Variants in ARHGAP15 observed in about 807,000 individuals in gnomAD.
The protein encoded by ARHGAP15 is Rho GTPase activating protein 15, also known as rho GTPase-activating protein 15.
ARHGAP15 carries 51 observed loss-of-function variants against 63.7 expected under a neutral mutation model. The observed-to-expected ratio is 0.80, with a 90% CI of 0.64 to 1.01. The LOEUF (loss-of-function observed/expected upper bound fraction) is 1.01. Ranked by LOEUF, ARHGAP15 falls within the 50% of genes least tolerant of loss-of-function variation. The probability of loss-of-function intolerance (pLI) is 0.00; values close to 1 mark genes in which losing one functional copy is unlikely to be tolerated. For synonymous variants in ARHGAP15, 191 were observed against 193.8 expected, an observed-to-expected ratio of 0.99 and a Z score of 0.12; for missense variants, 560 against 564.6, an observed-to-expected ratio of 0.99 and a Z score of 0.08.
chr2:143,678,266 C>T (rs1682925050), intron 12 of ARHGAP15, among the ~76,000 whole-genome samples: 1 of 152,116 alleles, frequency 6.6e-6, no homozygotes. Flanking sequence ...ATATCTTTGC[C>T]TCTATTTACA....
chr2:143,707,794 T>G (rs1277367437), intron 13 of ARHGAP15, among the ~76,000 whole-genome samples: 1 of 152,210 alleles, frequency 6.6e-6, no homozygotes, highest in African/African-American at 2.4e-5. Flanking sequence ...GGTTTTTATT[T>G]TCTTTCTGCT....
At chr2:143,735,475 G>T (rs904784970) in intron 13 of ARHGAP15, among the ~76,000 whole-genome samples, 1 of 152,186 alleles carries the variant, frequency 6.6e-6, no homozygotes, top group African/African-American at 2.4e-5. Context: ...TAGCAAGATG[G>T]CAACACCAGA....
At chr2:143,514,349 A>G (rs569749214) in intron 9 of ARHGAP15, among the ~76,000 whole-genome samples, 1 of 152,344 alleles carries the variant, frequency 6.6e-6, no homozygotes, top group East Asian at 1.9e-4. Context: ...AATGCAGAAG[A>G]GGTGCCATAA....
chr2:143,247,896 A>G (rs1330609405), intron 5 of ARHGAP15, among the ~76,000 whole-genome samples: 1 of 152,230 alleles, frequency 6.6e-6, no homozygotes, highest in Non-Finnish European at 1.5e-5. Context: ...GAATTTTAAG[A>G]CACTAAAGTC....
At chr2:143,702,214 CAATA>C (rs1684121108) in intron 12 of ARHGAP15, among the ~76,000 whole-genome samples, 1 of 152,122 alleles carries the variant, frequency 6.6e-6, no homozygotes, top group Admixed American at 6.5e-5. Context: ...TGTTTAAGTT[CAATA>C]AATAATTATA....
At chr2:143,422,676 T>C (rs1688974365) in intron 6 of ARHGAP15, among the ~76,000 whole-genome samples, 1 of 152,124 alleles carries the variant, frequency 6.6e-6, no homozygotes, top group Non-Finnish European at 1.5e-5. Context: ...GATTATTTCT[T>C]GATTACATGT....
chr2:143,396,089 CTG>C (rs1342748155), intron 6 of ARHGAP15, among the ~76,000 whole-genome samples: 1 of 152,138 alleles, frequency 6.6e-6, no homozygotes, highest in Non-Finnish European at 1.5e-5. Flanking sequence ...ACCCTAGACA[CTG>C]TCAGCTTCTG....
chr2:143,548,201 T>C (rs1695411422), intron 10 of ARHGAP15, among the ~76,000 whole-genome samples: 1 of 152,096 alleles, frequency 6.6e-6, no homozygotes, highest in Non-Finnish European at 1.5e-5. Context: ...TTCCTCATAT[T>C]AACAAATTGA....
chr2:143,699,840 T>C (rs1273361424), intron 12 of ARHGAP15, among the ~76,000 whole-genome samples: 1 of 152,208 alleles, frequency 6.6e-6, no homozygotes, highest in African/African-American at 2.4e-5. Context: ...TTACTTGTAA[T>C]TGTGCTTGGT....
At chr2:143,591,614 C>CTTTTTTTT (rs67060048) in intron 11 of ARHGAP15, among the ~76,000 whole-genome samples, 1 of 124,044 alleles carries the variant, frequency 8.1e-6, no homozygotes, top group African/African-American at 2.8e-5. Context: ...TTTGTTTGTT[C>CTTTTTTTT]TTTTTTTTTT....
At chr2:143,485,286 C>T (rs953945785) in intron 8 of ARHGAP15, among the ~76,000 whole-genome samples, 4 of 152,068 alleles carry the variant, frequency 2.6e-5, no homozygotes, top group Non-Finnish European at 5.9e-5. Flanking sequence ...GTTGTCCTCC[C>T]TGTGTCCATT....
At chr2:143,412,492 T>C (rs1042872913) in intron 6 of ARHGAP15, among the ~76,000 whole-genome samples, 14 of 152,334 alleles carry the variant, frequency 9.2e-5, no homozygotes, top group Admixed American at 8.5e-4. Flanking sequence ...GGATGAGTGC[T>C]ATCTTTTCAC....
At chr2:143,560,174 C>T (rs1209106736) in intron 11 of ARHGAP15, among the ~76,000 whole-genome samples, 1 of 152,130 alleles carries the variant, frequency 6.6e-6, no homozygotes, top group African/African-American at 2.4e-5. Flanking sequence ...ATTAGATACC[C>T]TTATTATACT....
intron 6 of ARHGAP15, among the ~76,000 whole-genome samples, chr2:143,296,689 TTTAGGTA>T (rs1481869352): frequency 2.6e-5 from 4 of 151,998 alleles, no homozygotes; most frequent in African/African-American, 7.2e-5. Flanking sequence ...AAACTTTTAC[TTTAGGTA>T]TTAGGGTACA....
chr2:143,181,790 C>A (rs1450727879), intron 2 of ARHGAP15, among the ~76,000 whole-genome samples: 1 of 152,188 alleles, frequency 6.6e-6, no homozygotes, highest in Admixed American at 6.5e-5. Flanking sequence ...GTTTTACTTT[C>A]TTATCATTCC....
chr2:143,744,582 C>T (rs986529389), intron 13 of ARHGAP15, among the ~76,000 whole-genome samples: 5 of 152,166 alleles, frequency 3.3e-5, no homozygotes, highest in African/African-American at 4.8e-5. Flanking sequence ...TGCAAAGAGG[C>T]GCCGCACAAG....
At chr2:143,450,176 G>T in intron 8 of ARHGAP15, among the ~76,000 whole-genome samples, 1 of 145,442 alleles carries the variant, frequency 6.9e-6, no homozygotes. Context: ...TTTTAAATCG[G>T]GCATAACCAT....
chr2:143,290,487 G>A (rs1682337962), intron 6 of ARHGAP15, among the ~76,000 whole-genome samples: 1 of 151,814 alleles, frequency 6.6e-6, no homozygotes, highest in Non-Finnish European at 1.5e-5. Flanking sequence ...GCCAGAATGT[G>A]GAGCAATATT....
At chr2:143,651,293 T>G (rs568002140) in intron 12 of ARHGAP15, among the ~76,000 whole-genome samples, 2 of 152,102 alleles carry the variant, frequency 1.3e-5, no homozygotes, top group East Asian at 3.9e-4. Context: ...CATAATTTCC[T>G]TCCTCCACTC....
Sources: gnomAD v4.1 joint callset for allele counts (sites outside exome capture counted in the v4.1 genomes callset) on GRCh38, gnomAD v4.1.1 for gene constraint, MANE v1.5 for transcripts, NCBI Gene and HGNC (gene_info 2026-07-23, HGNC 2026-07-21) for gene names.